The following WDR37 variants were observed in gnomAD, a reference collection of about 807,000 sequenced individuals.
The protein encoded by WDR37 is WD repeat-containing protein 37.
In WDR37, 19 loss-of-function variants were observed where a neutral mutation model predicts 62.9. The observed-to-expected ratio is 0.30, with a 90% confidence interval of 0.21 to 0.44. The LOEUF (loss-of-function observed/expected upper bound fraction) is 0.44, where lower values mean the gene tolerates loss of function less well. Among genes scored for constraint, WDR37 ranks in the 20% least tolerant of loss-of-function variants. The probability of loss-of-function intolerance (pLI) is 1.00; values close to 1 mark genes in which losing one functional copy is unlikely to be tolerated. For synonymous variants in WDR37, 250 were observed against 260.9 expected, an observed-to-expected ratio of 0.96 and a Z score of 0.40; for missense variants, 474 against 657.6, an observed-to-expected ratio of 0.72 and a Z score of 3.05.
chr10:1,101,813 C>T (rs1004878473), intron 9 of WDR37, among the ~76,000 whole-genome samples: 1 of 152,216 alleles, frequency 6.6e-6, no homozygotes, highest in Non-Finnish European at 1.5e-5. Context: ...GACTCACGTG[C>T]GACCTCATCA....
At chr10:1,080,207 G>A (rs1833987319) in intron 4 of WDR37, 101 bp downstream of exon 4, 9 of 1,374,662 alleles carry the variant, frequency 6.5e-6, no homozygotes, top group Non-Finnish European at 9.2e-6. Flanking sequence ...GCTGTCAGCA[G>A]ACCTCGAACT....
intron 11 of WDR37, among the ~76,000 whole-genome samples, chr10:1,118,374 A>G (rs1394884187): frequency 7.8e-5 from 8 of 102,994 alleles, no homozygotes; most frequent in South Asian, 3.7e-4. Context: ...CATCTGAGCC[A>G]CGTGCACTCA....
At position 1,131,881 on chromosome 10, in the gene WDR37, T is replaced by G. The variant is rs1387647024; in HGVS notation, c.*2537T>G. 1.3e-5 allele frequency: 2 copies of G among 152,622 alleles called. No homozygotes were observed. The highest frequency in any genetic ancestry group is 2.9e-5 in the Non-Finnish European group (2 of 68,042). The allele number at this position is 152,622 out of a possible 1,614,324, so 9.5% of individuals were successfully genotyped here. On this transcript the variant is annotated 3_prime_UTR_variant, in exon 14 of 14. Transcript: ENST00000263150. ...TGAAAACTGTATATGATACAGAATT[T>G]CATAAGAGCCATGCTGTTGGGCAAA... is the stretch of plus-strand genomic sequence containing the variant.
rs1835911388 is a variant in WDR37 at position 1,129,557 on chromosome 10, TG to T, written c.*216del. 3.3e-6 allele frequency: 2 copies of T among 612,458 alleles called. No homozygotes were observed. The highest frequency in any genetic ancestry group is 3.7e-5 in the African/African-American group (2 of 53,770). The allele number at this position is 612,458 out of a possible 1,614,324, so 37.9% of individuals were successfully genotyped here. ...TTTTGTCTTGTATATGTATGTATAT[TG>T]GGTCCTCTGGGCAGTAGAGGCAAAG... is the stretch of plus-strand genomic sequence containing the variant. On this transcript the variant is annotated 3_prime_UTR_variant, in exon 14 of 14. Transcript: ENST00000263150.
chr10:1,099,604 T>A (rs1039710191), intron 9 of WDR37, among the ~76,000 whole-genome samples: 1 of 152,254 alleles, frequency 6.6e-6, no homozygotes, highest in Non-Finnish European at 1.5e-5. Context: ...CTTTGTGGAA[T>A]TGCCAGACTA....
intron 1 of WDR37, among the ~76,000 whole-genome samples, chr10:1,070,819 G>A (rs757811442): frequency 6.6e-6 from 1 of 152,122 alleles, no homozygotes; most frequent in African/African-American, 2.4e-5. Flanking sequence ...AGAAGGGAAC[G>A]CTAGTGATTT....
At chr10:1,083,971 A>G (rs569185378) in intron 5 of WDR37, among the ~76,000 whole-genome samples, 1 of 152,352 alleles carries the variant, frequency 6.6e-6, no homozygotes, top group African/African-American at 2.4e-5. Flanking sequence ...ATGTACAGCG[A>G]TCAGTGTCAT....
At chr10:1,098,326 G>GTTTTTTTTT (rs34462108) in intron 9 of WDR37, among the ~76,000 whole-genome samples, 1 of 120,298 alleles carries the variant, frequency 8.3e-6, no homozygotes, top group African/African-American at 3.1e-5. Context: ...CCATCTGTCC[G>GTTTTTTTTT]TTTTTTTTTT....
intron 1 of WDR37, among the ~76,000 whole-genome samples, chr10:1,070,231 G>C (rs1038168276): frequency 1.3e-5 from 2 of 151,484 alleles, no homozygotes; most frequent in East Asian, 3.9e-4. Flanking sequence ...AAAAAATTGG[G>C]AACTTCATAA....
chr10:1,084,315 C>T (rs1589092077), intron 5 of WDR37, 88 bp from the exon 6 acceptor site: 2 of 1,509,146 alleles, frequency 1.3e-6, no homozygotes, highest in East Asian at 2.3e-5. Context: ...TGTGCATTTT[C>T]CAAGACGTCT....
rs1351085134 is a variant in WDR37 at position 1,069,370 on chromosome 10, A to AATATAT, written c.-40-2731_-40-2726dup. Among the ~76,000 whole-genome samples the AATATAT allele has an allele frequency of 5.8e-4, 47 of 81,408 alleles. 1 individual carries two copies. The highest frequency in any genetic ancestry group is 6.9e-4 in the Non-Finnish European group (30 of 43,698). The allele number at this position is 81,408 out of a possible 152,430, so 53.4% of individuals were successfully genotyped here. ...TAGTAATAGTAAAAAAATTGGAAAG[A>AATATAT]ATATATATATATATATATATTTTTT... On this transcript the variant is annotated intron_variant, in intron 1 of 13. Transcript: ENST00000263150.
chr10:1,076,511 T>C (rs1294747357), intron 2 of WDR37, among the ~76,000 whole-genome samples: 2 of 151,090 alleles, frequency 1.3e-5, no homozygotes, highest in African/African-American at 4.9e-5. Flanking sequence ...AACCATGTCT[T>C]AACTGAAAAT....
At chr10:1,093,016 C>T (rs780157754) in intron 7 of WDR37, among the ~76,000 whole-genome samples, 1 of 151,794 alleles carries the variant, frequency 6.6e-6, no homozygotes, top group Non-Finnish European at 1.5e-5. Context: ...GGGGTCCTGG[C>T]GTCTCTACTA....
At chr10:1,062,062 G>A (rs1250106970) in intron 1 of WDR37, among the ~76,000 whole-genome samples, 1 of 151,926 alleles carries the variant, frequency 6.6e-6, no homozygotes, top group Non-Finnish European at 1.5e-5. Context: ...TGGTGTGAAA[G>A]GAAGGAAGTG....
chr10:1,129,396 G>A lies in WDR37; in HGVS notation c.*52G>A, dbSNP rs1835909141. ...GTTTGCCAGCACAGACCTTTGATGG[G>A]TGCAGGCTTTTCTGCGTATTAATCA... is the stretch of plus-strand genomic sequence containing the variant. On this transcript the variant is annotated 3_prime_UTR_variant, in exon 14 of 14. Coordinates refer to ENST00000263150, the MANE Select transcript of WDR37 (RefSeq NM_014023.4). The A allele has an allele frequency of 4.4e-6, 7 of 1,605,094 alleles. No individual in the cohort carries two copies. The highest frequency in any genetic ancestry group is 1.1e-5 in the South Asian group (1 of 90,396).
chr10:1,128,028 G>A (rs916459341), intron 13 of WDR37, among the ~76,000 whole-genome samples: 1 of 152,186 alleles, frequency 6.6e-6, no homozygotes, highest in Admixed American at 6.5e-5. Context: ...TGGATGCATT[G>A]CTGCTTCCTT....
chr10:1,081,303 A>G lies in WDR37; in HGVS notation c.396+827A>G, dbSNP rs572089167. Among the ~76,000 whole-genome samples, 4 of 152,340 alleles carry G rather than the reference A, an allele frequency of 2.6e-5. No individual in the cohort carries two copies. In the South Asian group the frequency reaches 8.3e-4, roughly 32 times the overall value. ...ATTCATTTGTCTGTGATGGATTACT[A>G]TCAAGTGATATTTTGAGGTAATTTT... On this transcript the variant is annotated intron_variant, in intron 5 of 13. Coordinates refer to ENST00000263150, the MANE Select transcript of WDR37 (RefSeq NM_014023.4).
intron 11 of WDR37, among the ~76,000 whole-genome samples, chr10:1,109,285 T>G (rs1160008132): frequency 6.6e-6 from 1 of 152,266 alleles, no homozygotes; most frequent in East Asian, 1.9e-4. Flanking sequence ...TGGAAGATTT[T>G]ATTTTTGTTT....
intron 7 of WDR37, among the ~76,000 whole-genome samples, chr10:1,091,786 C>T (rs570714357): frequency 3.2e-4 from 48 of 152,300 alleles, no homozygotes; most frequent in African/African-American, 1.1e-3. Context: ...CATTTATGTG[C>T]GTGCTTGTGG....
Sources: gnomAD v4.1 joint callset for allele counts (sites outside exome capture counted in the v4.1 genomes callset) on GRCh38, gnomAD v4.1.1 for gene constraint, MANE v1.5 for transcripts, NCBI Gene and HGNC (gene_info 2026-07-23, HGNC 2026-07-21) for gene names.